Variants in GRM5 observed in about 807,000 individuals in gnomAD.
GRM5 encodes the protein metabotropic glutamate receptor 5.
GRM5 carries 19 observed loss-of-function variants against 83.1 expected under a neutral mutation model. The observed-to-expected ratio is 0.23, with a 90% CI of 0.16 to 0.34. The LOEUF is 0.34. GRM5 is among the 10% of genes least tolerant of loss of function. The pLI, the probability that GRM5 is intolerant of heterozygous loss-of-function variation, is 1.00. For missense variants in GRM5, 1,160 were observed against 1,588.3 expected (o/e 0.73, Z 4.58); for synonymous variants, 675 against 633.6 (o/e 1.07, Z -0.98).
At chr11:88,589,062 G>T (rs1937598704) in intron 7 of GRM5, among the ~76,000 whole-genome samples, 1 of 152,124 alleles carries the variant, frequency 6.6e-6, no homozygotes. Flanking sequence ...TTCACAAGGT[G>T]CTTAGCCATG....
At position 88,731,652 on chromosome 11, in the gene GRM5, A is replaced by G. The variant is rs1941811445; in HGVS notation, c.912-78249T>C. ...GTTGTTGTTGTTGTTGTTAACTGCA[A>G]TATCCCCAGTGTATTACAATGTGCC... On this transcript the variant is annotated intron_variant, in intron 3 of 9. Transcript: ENST00000305447. 2.0e-5 allele frequency among the ~76,000 whole-genome samples: 3 copies of G among 151,964 alleles called. No homozygotes were observed. In the South Asian group the frequency reaches 6.2e-4, roughly 31 times the overall value.
At chr11:88,632,475 C>CCT (rs1177631804) in intron 4 of GRM5, among the ~76,000 whole-genome samples, 1 of 151,930 alleles carries the variant, frequency 6.6e-6, no homozygotes, top group African/African-American at 2.4e-5. Context: ...CTCAAGTGAT[C>CCT]CTCCTGCCTT....
At chr11:88,630,987 G>T (rs1387023490) in intron 4 of GRM5, among the ~76,000 whole-genome samples, 1 of 152,184 alleles carries the variant, frequency 6.6e-6, no homozygotes, top group Non-Finnish European at 1.5e-5. Flanking sequence ...GGGGACAGCG[G>T]TTTCTTTATT....
chr11:88,885,472 T>G (rs1413155248), intron 2 of GRM5, among the ~76,000 whole-genome samples: 18 of 144,838 alleles, frequency 1.2e-4, no homozygotes, highest in African/African-American at 4.6e-4. Context: ...TTTTTTTTTT[T>G]TTTTTTTTTT....
intron 8 of GRM5, among the ~76,000 whole-genome samples, chr11:88,549,869 A>T (rs976146100): frequency 6.6e-6 from 1 of 152,274 alleles, no homozygotes; most frequent in South Asian, 2.1e-4. Flanking sequence ...CTTTAGGAAG[A>T]TTACGCTGGT....
chr11:88,910,026 C>A (rs923777111), intron 2 of GRM5, among the ~76,000 whole-genome samples: 1 of 151,988 alleles, frequency 6.6e-6, no homozygotes, highest in Admixed American at 6.6e-5. Flanking sequence ...TTTCCAAAAT[C>A]ACTTCACCTC....
intron 6 of GRM5, among the ~76,000 whole-genome samples, chr11:88,593,121 G>C (rs185982007): frequency 6.6e-6 from 1 of 152,208 alleles, no homozygotes; most frequent in African/African-American, 2.4e-5. Flanking sequence ...CACCCACCCA[G>C]CGGTGCTTTC....
chr11:88,983,895 C>G (rs565130982), intron 2 of GRM5, among the ~76,000 whole-genome samples: 2 of 151,536 alleles, frequency 1.3e-5, no homozygotes, highest in Non-Finnish European at 2.9e-5. Context: ...TAGACCGAAG[C>G]TAATGTGTGT....
Position 88,792,708 on chromosome 11 carries a change from G to A in GRM5, c.911+57198C>T, listed in dbSNP as rs1456748994. Among the ~76,000 whole-genome samples the A allele has an allele frequency of 3.9e-5, 6 of 152,196 alleles. No individual in the cohort carries two copies. The South Asian group carries it at 6.2e-4, about 16-fold the overall frequency. On this transcript the variant is annotated intron_variant, in intron 3 of 9. Transcript: ENST00000305447. ...CCACCCAACATACTGAGGTATTTGGGAAGGGGTATGAAAACTATAAGACAT... is the reference window on the plus strand; with the variant it reads ...CCACCCAACATACTGAGGTATTTGGAAAGGGGTATGAAAACTATAAGACAT...
At chr11:88,828,229 G>A (rs1943926705) in intron 3 of GRM5, among the ~76,000 whole-genome samples, 1 of 152,082 alleles carries the variant, frequency 6.6e-6, no homozygotes, top group East Asian at 1.9e-4. Flanking sequence ...TAAGACTGTG[G>A]GTTTTACTGT....
At chr11:89,064,027 A>G (rs919015438) in intron 1 of GRM5, among the ~76,000 whole-genome samples, 2 of 152,174 alleles carry the variant, frequency 1.3e-5, no homozygotes, top group African/African-American at 2.4e-5. Flanking sequence ...AGTGTCAAGG[A>G]CATGGTAGGT....
In GRM5 at chr11:88,824,424, G is replaced by T. The variant is rs556055391; in HGVS notation, c.911+25482C>A. 2.0e-4 allele frequency among the ~76,000 whole-genome samples: 31 copies of T among 152,242 alleles called. No individual in the cohort carries two copies. The South Asian group carries it at 6.4e-3, about 32-fold the overall frequency. ...CACCATCCTGTACACAAGCACTGTG[G>T]CTTATTTAGAAAGCTGTAAATCAGT... On this transcript the variant is annotated intron_variant, in intron 3 of 9. Coordinates refer to ENST00000305447, the MANE Select transcript of GRM5 (RefSeq NM_001143831.3).
chr11:88,675,103 C>T (rs56156158), intron 3 of GRM5, among the ~76,000 whole-genome samples: 7,316 of 151,970 alleles, frequency 0.048, 167 homozygotes, highest in Middle Eastern at 0.075. Context: ...TATATTCTGG[C>T]TGTTTTTCTA....
chr11:88,916,852 CA>C (rs1945602988), intron 2 of GRM5, among the ~76,000 whole-genome samples: 1 of 152,124 alleles, frequency 6.6e-6, no homozygotes, highest in Admixed American at 6.6e-5. Context: ...ATAAAGACCC[CA>C]ATACTAGGAC....
chr11:88,773,422 G>C (rs1942781858), intron 3 of GRM5, among the ~76,000 whole-genome samples: 1 of 152,126 alleles, frequency 6.6e-6, no homozygotes, highest in African/African-American at 2.4e-5. Flanking sequence ...TCTGATGATA[G>C]TTTCTTTTGT....
intron 3 of GRM5, among the ~76,000 whole-genome samples, chr11:88,805,058 T>C (rs1017364697): frequency 1.3e-5 from 2 of 152,224 alleles, no homozygotes; most frequent in Non-Finnish European, 2.9e-5. Context: ...TGTAAATGCA[T>C]GTGTTGGAGG....
rs974729535 is a variant in GRM5, at chr11:88,507,256, C to T, written c.*1336G>A. 11 of 152,126 alleles carry T rather than the reference C, an allele frequency of 7.2e-5. No homozygotes were observed. The highest frequency in any genetic ancestry group is 1.3e-4 in the Admixed American group (2 of 15,276). 9.4% of individuals were successfully genotyped at this position (152,126 alleles called of 1,614,324 possible). A position where few individuals can be genotyped will look rare whatever the true frequency, so the allele number is the denominator to read the frequency against. Reference sequence around the variant, plus strand: ...AAAGAAAATAAGAATTGCTTTGCCTCTTTTTGGAATGGCTAAGAAAGACTG... The same window carrying T: ...AAAGAAAATAAGAATTGCTTTGCCTTTTTTTGGAATGGCTAAGAAAGACTG... On this transcript the variant is annotated 3_prime_UTR_variant, in exon 10 of 10. Transcript: ENST00000305447.
chr11:88,919,206 C>T (rs1344151541), intron 2 of GRM5, among the ~76,000 whole-genome samples: 2 of 106,124 alleles, frequency 1.9e-5, no homozygotes, highest in Non-Finnish European at 4.2e-5. Context: ...AGATATCCCA[C>T]ACCAATGGCA....
intron 2 of GRM5, among the ~76,000 whole-genome samples, chr11:88,876,532 G>T (rs989574022): frequency 1.3e-5 from 2 of 151,962 alleles, no homozygotes; most frequent in Non-Finnish European, 2.9e-5. Context: ...TGACTAAGTG[G>T]CACAAAAGGC....
Sources: gnomAD v4.1 joint callset for allele counts (sites outside exome capture counted in the v4.1 genomes callset) on GRCh38, gnomAD v4.1.1 for gene constraint, MANE v1.5 for transcripts, NCBI Gene and HGNC (gene_info 2026-07-23, HGNC 2026-07-21) for gene names.